Variants in NINL observed in about 807,000 individuals in gnomAD.
The protein encoded by NINL is ninein-like protein.
A neutral mutation model predicts 160.3 loss-of-function variants in NINL; 153 were observed. The observed-to-expected ratio is 0.95, with a 90% CI of 0.84 to 1.09. NINL has a LOEUF of 1.09. Ranked by LOEUF, NINL falls within the 50% of genes least tolerant of loss-of-function variation. The pLI is 0.00. For synonymous variants in NINL, 800 were observed against 734.8 expected, an observed-to-expected ratio of 1.09 and a Z score of -1.43; for missense variants, 1,829 against 1,764.0, an observed-to-expected ratio of 1.04 and a Z score of -0.66.
chr20:25,489,999 GCCAGTGGCTCATCAGGCT>G lies in NINL; in HGVS notation c.1486-32_1486-15del. 3 of 1,609,128 alleles carry G rather than the reference GCCAGTGGCTCATCAGGCT, an allele frequency of 1.9e-6. No homozygotes were observed. The highest frequency in any genetic ancestry group is 2.6e-6 in the Non-Finnish European group (3 of 1,175,710). On this transcript the variant is annotated splice_polypyrimidine_tract_variant and intron_variant, in intron 11 of 23. Coordinates refer to ENST00000278886, the MANE Select transcript of NINL (RefSeq NM_025176.6). ...GCGACTGTTTTCCTAGGAGACACAG[GCCAGTGGCTCATCAGGCT>G]CCTGCAGGACGGAGGGGATGTGTGC...
intron 3 of NINL, among the ~76,000 whole-genome samples, chr20:25,514,698 G>GGGC (rs1668260676): frequency 6.6e-6 from 1 of 152,236 alleles, no homozygotes; most frequent in Admixed American, 6.5e-5. Context: ...GCTGGAGATA[G>GGGC]AGCACCGCTG....
At chr20:25,565,918 T>A (rs772517626) in intron 1 of NINL, among the ~76,000 whole-genome samples, 4 of 152,206 alleles carry the variant, frequency 2.6e-5, no homozygotes, top group Non-Finnish European at 5.9e-5. Flanking sequence ...CTCCAGGACT[T>A]ACACTGGCGA....
At chr20:25,585,111 C>G (rs909430832) in intron 1 of NINL, among the ~76,000 whole-genome samples, 1 of 152,170 alleles carries the variant, frequency 6.6e-6, no homozygotes, top group East Asian at 1.9e-4. Context: ...GGGCCCCGGC[C>G]AAGGCCGCCC....
intron 1 of NINL, among the ~76,000 whole-genome samples, chr20:25,543,949 G>A (rs1432546569): frequency 3.9e-5 from 5 of 129,430 alleles, no homozygotes; most frequent in South Asian, 2.2e-4. Context: ...GAGCCACCGC[G>A]CCTGGCCTAA....
At chr20:25,505,940 C>T (rs2063953545) in intron 5 of NINL, among the ~76,000 whole-genome samples, 1 of 152,222 alleles carries the variant, frequency 6.6e-6, no homozygotes, top group Admixed American at 6.5e-5. Flanking sequence ...CTGAAGAGAA[C>T]CTTCTATGGT....
intron 1 of NINL, among the ~76,000 whole-genome samples, chr20:25,538,053 T>C (rs2064591476): frequency 6.6e-6 from 1 of 152,148 alleles, no homozygotes; most frequent in Non-Finnish European, 1.5e-5. Context: ...TTGGCTTATC[T>C]GGGTGAAAGA....
intron 21 of NINL, among the ~76,000 whole-genome samples, chr20:25,459,922 A>T (rs1473306004): frequency 6.6e-6 from 1 of 152,108 alleles, no homozygotes. Context: ...GGAAACAAGG[A>T]CATTTGTGTT....
chr20:25,504,748 C>T, intron 6 of NINL, 140 bp downstream of exon 6: 1 of 904,990 alleles, frequency 1.1e-6, no homozygotes, highest in Non-Finnish European at 1.6e-6. Context: ...GGCAGAAATG[C>T]CAAGAGCCAC....
At chr20:25,533,389 T>C (rs114767078) in intron 1 of NINL, among the ~76,000 whole-genome samples, 3,186 of 151,880 alleles carry the variant, frequency 0.021, 99 homozygotes, top group African/African-American at 0.072. Flanking sequence ...AAAAGAACGA[T>C]CCGAGACCAA....
intron 7 of NINL, among the ~76,000 whole-genome samples, chr20:25,503,743 G>A (rs2063910694): frequency 6.6e-6 from 1 of 152,202 alleles, no homozygotes; most frequent in African/African-American, 2.4e-5. Flanking sequence ...ACACAGCCAG[G>A]GAAGAGCAAC....
intron 19 of NINL, among the ~76,000 whole-genome samples, chr20:25,465,159 C>A (rs572567627): frequency 2.0e-5 from 3 of 152,206 alleles, no homozygotes; most frequent in Non-Finnish European, 4.4e-5. Context: ...AAGTGACATA[C>A]GACCAGAGTA....
intron 8 of NINL, chr20:25,499,332 T>C (rs547313880): frequency 2.8e-6 from 2 of 723,952 alleles, no homozygotes; most frequent in African/African-American, 3.8e-5. Context: ...CAAGGCAGAA[T>C]TTGGCAATAA....
intron 1 of NINL, among the ~76,000 whole-genome samples, chr20:25,558,476 G>A (rs2064895945): frequency 6.6e-6 from 1 of 152,186 alleles, no homozygotes; most frequent in Admixed American, 6.5e-5. Flanking sequence ...CCAAAGTGCA[G>A]GCATGAGCCT....
intron 1 of NINL, among the ~76,000 whole-genome samples, chr20:25,549,921 T>C (rs1405119934): frequency 6.6e-6 from 1 of 152,186 alleles, no homozygotes; most frequent in Non-Finnish European, 1.5e-5. Flanking sequence ...CAAACATCCT[T>C]CTAAAAGGGG....
chr20:25,523,771 T>C (rs2064305308), intron 2 of NINL, among the ~76,000 whole-genome samples: 1 of 151,716 alleles, frequency 6.6e-6, no homozygotes, highest in Non-Finnish European at 1.5e-5. Context: ...GCCTCCTGAG[T>C]AGCTGGGATT....
chr20:25,521,668 G>A (rs1345745553), intron 2 of NINL, among the ~76,000 whole-genome samples: 1 of 152,312 alleles, frequency 6.6e-6, no homozygotes, highest in Non-Finnish European at 1.5e-5. Flanking sequence ...CCACAAAGCA[G>A]TATAATGACT....
intron 8 of NINL, 114 bp from the exon 9 acceptor site, chr20:25,498,460 C>T (rs2063803596): frequency 3.0e-6 from 4 of 1,336,184 alleles, no homozygotes; most frequent in Non-Finnish European, 4.1e-6. Context: ...CCAGGCAGCA[C>T]CTGCCCCTCC....
At chr20:25,559,825 T>A (rs1202582787) in intron 1 of NINL, among the ~76,000 whole-genome samples, 1 of 152,098 alleles carries the variant, frequency 6.6e-6, no homozygotes, top group African/African-American at 2.4e-5. Context: ...CATGCTGGTC[T>A]CAAACTCCTG....
chr20:25,554,045 G>C (rs1240027911), intron 1 of NINL, among the ~76,000 whole-genome samples: 1 of 152,238 alleles, frequency 6.6e-6, no homozygotes, highest in Non-Finnish European at 1.5e-5. Flanking sequence ...AGAAGGACCA[G>C]GCCTTCTAAC....
Sources: allele counts gnomAD v4.1 joint callset (sites outside exome capture counted in the v4.1 genomes callset), GRCh38; gene constraint gnomAD v4.1.1; transcripts MANE v1.5; gene names NCBI Gene and HGNC (gene_info 2026-07-23, HGNC 2026-07-21).